Variants in CLEC1B observed in about 807,000 individuals in gnomAD.
The protein encoded by CLEC1B is C-type lectin-like receptor 2.
Under a neutral mutation model 26.7 loss-of-function variants are expected in CLEC1B, and 26 were observed. That is an observed-to-expected ratio of 0.97 (90% CI 0.71 to 1.35). The LOEUF is 1.35. CLEC1B is among the 40% of genes most tolerant of loss of function. The probability of loss-of-function intolerance (pLI) is 0.00; values close to 1 mark genes in which losing one functional copy is unlikely to be tolerated. For synonymous variants in CLEC1B, 112 were observed against 96.0 expected, an observed-to-expected ratio of 1.17 and a Z score of -0.97; for missense variants, 293 against 282.6, an observed-to-expected ratio of 1.04 and a Z score of -0.26.
upstream of CLEC1B, chr12:9,999,212 G>A: frequency 1.5e-6 from 1 of 668,450 alleles, no homozygotes; most frequent in Non-Finnish European, 2.6e-6. Flanking sequence ...CTTTAGTAGG[G>A]TAGAACCATG....
chr12:9,998,878 T>C (rs2137246812), intron 1 of CLEC1B, among the ~76,000 whole-genome samples, 159 bp downstream of exon 1: 1 of 152,314 alleles, frequency 6.6e-6, no homozygotes, highest in East Asian at 1.9e-4. Context: ...AATAGGTCTG[T>C]ATGAGCTTAT....
At chr12:10,001,116 A>T (rs1468618570), upstream of CLEC1B, among the ~76,000 whole-genome samples, 1 of 152,202 alleles carries the variant, frequency 6.6e-6, no homozygotes, top group Admixed American at 6.5e-5. Flanking sequence ...ACAATTTTTA[A>T]ATTATTGTAA....
In CLEC1B at chr12:9,996,616, T is replaced by C; in HGVS notation, c.438+230A>G. On this transcript the variant is annotated intron_variant, in intron 4 of 5. Transcript: ENST00000298527. ...TGTGTGACCCACTATGTACCTGAGC[T>C]GTCAGGAAGGGACAAGTCAATTTGA... The C allele has an allele frequency of 4.9e-6, 3 of 618,266 alleles. No homozygotes were observed. In the South Asian group the frequency reaches 5.0e-5, roughly 10 times the overall value. 38.3% of individuals were successfully genotyped at this position (618,266 alleles called of 1,614,324 possible). A position where few individuals can be genotyped will look rare whatever the true frequency, so the allele number is the denominator to read the frequency against.
At chr12:9,994,512 G>A (rs549777295) in intron 5 of CLEC1B, among the ~76,000 whole-genome samples, 21 of 152,202 alleles carry the variant, frequency 1.4e-4, no homozygotes, top group Admixed American at 7.2e-4. Flanking sequence ...TATACAGGAT[G>A]AACAAAAGAT....
chr12:9,993,614 G>A (rs935640112), intron 5 of CLEC1B, among the ~76,000 whole-genome samples: 1 of 151,970 alleles, frequency 6.6e-6, no homozygotes, highest in African/African-American at 2.4e-5. Flanking sequence ...ACTTTAGTTC[G>A]GTATTGATGG....
intron 2 of CLEC1B, among the ~76,000 whole-genome samples, 191 bp from the exon 3 acceptor site, chr12:9,997,470 G>A (rs584856): frequency 0.54 from 82,637 of 151,808 alleles, 22,832 homozygotes; most frequent in South Asian, 0.72. Flanking sequence ...CAGAACTGAC[G>A]CCTGAGGGTT....
At chr12:9,998,161 T>C (rs1865097049) in intron 2 of CLEC1B, 121 bp downstream of exon 2, 2 of 732,332 alleles carry the variant, frequency 2.7e-6, no homozygotes, top group African/African-American at 1.8e-5. Context: ...CAACTATCTG[T>C]AGGACAACTG....
At chr12:10,001,105 G>A (rs936776925), upstream of CLEC1B, among the ~76,000 whole-genome samples, 1 of 152,138 alleles carries the variant, frequency 6.6e-6, no homozygotes, top group African/African-American at 2.4e-5. Context: ...AGGACATTGA[G>A]ACAATTTTTA....
At chr12:10,001,482 C>T (rs1430437355), upstream of CLEC1B, among the ~76,000 whole-genome samples, 1 of 152,196 alleles carries the variant, frequency 6.6e-6, no homozygotes. Context: ...TATATCTTAT[C>T]TGTGTTCCAC....
chr12:9,997,117 C>T (rs956577112), intron 3 of CLEC1B, 43 bp downstream of exon 3: 1 of 1,611,482 alleles, frequency 6.2e-7, no homozygotes. Flanking sequence ...GAGAAATGCT[C>T]CAGGGGTTGG....
Position 9,996,858 on chromosome 12 carries a change from G to C in CLEC1B, c.426C>G (p.Asn142Lys), listed in dbSNP as rs749609263. 10 of 1,613,946 alleles carry C rather than the reference G, an allele frequency of 6.2e-6. No homozygotes were observed. In the Middle Eastern group the frequency reaches 4.9e-4, roughly 80 times the overall value. The change falls in exon 4 of 6, where the codon AAC becomes AAG. Residue 142 changes from asparagine (N) to lysine (K), a missense_variant. Coordinates refer to ENST00000298527, the MANE Select transcript of CLEC1B (RefSeq NM_016509.4). Reference protein sequence around the residue: ...DMNATLLKIDNRNIVEYIKAR... With the variant: ...DMNATLLKIDKRNIVEYIKAR... ...AGAATCTTCTTACCACAATGTTCCG[G>C]TTGTCAATCTTCAGGAGAGTAGCAT...
Position 9,993,227 on chromosome 12 carries a change from T to C in CLEC1B, c.606A>G (p.Lys202=). 6.2e-7 allele frequency: 1 copy of C among 1,612,848 alleles called. No homozygotes were observed. The highest frequency in any genetic ancestry group is 8.5e-7 in the Non-Finnish European group (1 of 1,179,068). ...TGTTCTCACAGAAGGTAGGGTGCAT[T>C]TTCCCATTATGAAAATAAGCACAAT... ...NMNCAYFHNG[K]MHPTFCENKH... Residue 202 remains lysine (K), a synonymous_variant, in exon 6 of 6, where the codon AAA becomes AAG. Coordinates refer to ENST00000298527, the MANE Select transcript of CLEC1B (RefSeq NM_016509.4).
chr12:9,998,748 T>C (rs1865114975), intron 1 of CLEC1B, among the ~76,000 whole-genome samples: 1 of 152,166 alleles, frequency 6.6e-6, no homozygotes, highest in Non-Finnish European at 1.5e-5. Flanking sequence ...TTTGCTCACA[T>C]ATAGAAAATG....
At chr12:9,999,546 T>C (rs774588324), upstream of CLEC1B, among the ~76,000 whole-genome samples, 4 of 152,240 alleles carry the variant, frequency 2.6e-5, no homozygotes, top group African/African-American at 4.8e-5. Flanking sequence ...GTTTATCTCA[T>C]TGTGAGAAGC....
chr12:9,999,145 C>T (rs758481477), upstream of CLEC1B: 19 of 1,330,748 alleles, frequency 1.4e-5, no homozygotes, highest in South Asian at 2.4e-4. Flanking sequence ...AATGACTTTG[C>T]AAAATGTAGT....
intron 2 of CLEC1B, 79 bp from the exon 3 acceptor site, chr12:9,997,358 T>C: frequency 7.5e-7 from 1 of 1,330,372 alleles, no homozygotes; most frequent in Non-Finnish European, 1.0e-6. Flanking sequence ...TGAATTTTCA[T>C]TTCCTTAACT....
chr12:9,998,798 C>A (rs1390135069), intron 1 of CLEC1B, among the ~76,000 whole-genome samples: 1 of 152,114 alleles, frequency 6.6e-6, no homozygotes, highest in Non-Finnish European at 1.5e-5. Context: ...GACTTCTATG[C>A]CCTCGAGTAT....
intron 4 of CLEC1B, among the ~76,000 whole-genome samples, chr12:9,996,497 C>T (rs887370976): frequency 1.3e-5 from 2 of 151,784 alleles, no homozygotes; most frequent in Non-Finnish European, 2.9e-5. Flanking sequence ...CTTCCGTATG[C>T]GTCTGAGTCC....
rs1162724626 is a variant in CLEC1B at position 9,995,185 on chromosome 12, T to C, written c.500A>G (p.Asn167Ser). The C allele has an allele frequency of 1.9e-6, 3 of 1,613,058 alleles. No homozygotes were observed. The highest frequency in any genetic ancestry group is 3.3e-5 in the Admixed American group (2 of 59,980). The change falls in exon 5 of 6, where the codon AAT (asparagine) becomes AGT (serine). Residue 167 changes from asparagine to serine, a missense_variant. Asn to Ser is a conservative substitution (Grantham distance 46, BLOSUM62 1). Transcript: ENST00000298527. ...GCCATCCTCCCACTTCCAGACCTCATTCGACTTCTGGCGAGATAATCCGAC... is the reference window on the plus strand; with the variant it reads ...GCCATCCTCCCACTTCCAGACCTCACTCGACTTCTGGCGAGATAATCCGAC... ...RWVGLSRQKSNEVWKWEDGSV... is the reference protein window; with the variant it reads ...RWVGLSRQKSSEVWKWEDGSV...
Sources: gnomAD v4.1 joint callset for allele counts (sites outside exome capture counted in the v4.1 genomes callset) on GRCh38, gnomAD v4.1.1 for gene constraint, MANE v1.5 for transcripts, NCBI Gene and HGNC (gene_info 2026-07-23, HGNC 2026-07-21) for gene names.